The following FRMPD1 variants were observed in gnomAD, a reference collection of about 807,000 sequenced individuals.
FRMPD1 encodes FERM and PDZ domain-containing protein 1.
FRMPD1 carries 76 observed loss-of-function variants against 117.8 expected under a neutral mutation model. The ratio of observed to expected loss-of-function variants is 0.65; its 90% confidence interval spans 0.54 to 0.78. The LOEUF (loss-of-function observed/expected upper bound fraction) is 0.78, where lower values mean the gene tolerates loss of function less well. FRMPD1 is among the 30% of genes least tolerant of loss of function. FRMPD1 has a pLI of 0.00. For missense variants in FRMPD1, 1,786 were observed against 1,964.5 expected (o/e 0.91, Z 1.72); for synonymous variants, 783 against 770.4 (o/e 1.02, Z -0.27).
chr9:37,734,305 A>G (rs772115645), intron 12 of FRMPD1, among the ~76,000 whole-genome samples: 1 of 152,188 alleles, frequency 6.6e-6, no homozygotes, highest in African/African-American at 2.4e-5. Context: ...TATGAAGGTG[A>G]AGAGGAAAAT....
chr9:37,657,723 CTTG>C (rs1236407890), intron 1 of FRMPD1, among the ~76,000 whole-genome samples: 3 of 152,122 alleles, frequency 2.0e-5, no homozygotes, highest in Admixed American at 6.5e-5. Context: ...GAGAGTGTGC[CTTG>C]TTTATGTGCT....
chr9:37,637,195 G>A, the FRMPD1 span: 3 of 1,609,886 alleles, frequency 1.9e-6, no homozygotes, highest in Middle Eastern at 1.7e-4. Flanking sequence ...AGCTCTCTGT[G>A]TAAGGGTCAT....
intron 1 of FRMPD1, chr9:37,668,438 G>A (rs762026788): frequency 6.6e-6 from 1 of 152,268 alleles, no homozygotes; most frequent in Non-Finnish European, 1.5e-5. Flanking sequence ...TCACATTCTT[G>A]TGGCCGCAAT....
the FRMPD1 span, among the ~76,000 whole-genome samples, chr9:37,608,519 G>T: frequency 6.6e-6 from 1 of 150,440 alleles, no homozygotes; most frequent in Non-Finnish European, 1.5e-5. Flanking sequence ...TTCCTGAGAT[G>T]GGGGGAGGGT....
chr9:37,676,840 C>T lies in FRMPD1; in HGVS notation c.-4-15798C>T, dbSNP rs1054704632. Among the ~76,000 whole-genome samples, 14 of 152,198 alleles carry T rather than the reference C, an allele frequency of 9.2e-5. No homozygotes were observed. In the South Asian group the frequency reaches 1.0e-3, roughly 11 times the overall value. ...ACTCCCTATAGCATTTTAGACAGCC[C>T]GTTCTTATGGGCCCCACTCTCTGCC... On this transcript the variant is annotated intron_variant, in intron 1 of 15. Transcript: ENST00000377765.
chr9:37,634,903 A>G, the FRMPD1 span, among the ~76,000 whole-genome samples: 12 of 149,180 alleles, frequency 8.0e-5, no homozygotes, highest in African/African-American at 3.0e-4. Flanking sequence ...CCAACAGGCC[A>G]TGGTGTGTGT....
At chr9:37,674,437 A>AGT (rs1821455448) in intron 1 of FRMPD1, among the ~76,000 whole-genome samples, 1 of 151,950 alleles carries the variant, frequency 6.6e-6, no homozygotes, top group African/African-American at 2.4e-5. Flanking sequence ...ACTTTCCCAC[A>AGT]TTTTCCTGCC....
rs146051206 is a variant in FRMPD1, at chr9:37,666,573, C to G, written c.-5+15479C>G. Among the ~76,000 whole-genome samples, 365 of 152,256 alleles carry G rather than the reference C, an allele frequency of 2.4e-3. 1 individual carries two copies. The highest frequency in any genetic ancestry group is 8.5e-3 in the African/African-American group (352 of 41,530). On this transcript the variant is annotated intron_variant, in intron 1 of 15. Coordinates refer to ENST00000377765, the MANE Select transcript of FRMPD1 (RefSeq NM_014907.3). ...CTACCCCTGCAGGTCTTATCCTGTC[C>G]TTCACGCTCTGCTCACCTCCTGCAC... is the stretch of plus-strand genomic sequence containing the variant.
chr9:37,690,883 C>A (rs1822109166), intron 1 of FRMPD1, among the ~76,000 whole-genome samples: 1 of 152,168 alleles, frequency 6.6e-6, no homozygotes, highest in African/African-American at 2.4e-5. Flanking sequence ...AAAGAGCACA[C>A]AAGAGAGTGT....
chr9:37,653,936 G>A (rs910107254), intron 1 of FRMPD1, among the ~76,000 whole-genome samples: 59 of 152,166 alleles, frequency 3.9e-4, no homozygotes, highest in Middle Eastern at 6.8e-3. Context: ...ACTCCAGCCC[G>A]GTCAAAAGAG....
chr9:37,696,751 A>G (rs1432862951), intron 2 of FRMPD1, among the ~76,000 whole-genome samples: 1 of 152,234 alleles, frequency 6.6e-6, no homozygotes, highest in African/African-American at 2.4e-5. Flanking sequence ...AAACACAGAT[A>G]TGCATCTGTA....
chr9:37,729,382 CAAAAAAAAAAAAAA>C (rs60967717), intron 7 of FRMPD1, among the ~76,000 whole-genome samples: 4 of 54,724 alleles, frequency 7.3e-5, no homozygotes, highest in Middle Eastern at 0.016. Context: ...GAGACCCTCT[CAAAAAAAAAAAAAA>C]AAAAAAAAAA....
intron 8 of FRMPD1, among the ~76,000 whole-genome samples, chr9:37,730,098 G>C (rs1181718584): frequency 6.6e-6 from 1 of 152,186 alleles, no homozygotes; most frequent in Non-Finnish European, 1.5e-5. Flanking sequence ...TGGAGACAAA[G>C]GCTTAGAGAG....
Position 37,746,421 on chromosome 9 carries a change from C to T in FRMPD1, c.4389C>T (p.Cys1463=). The stretch of plus-strand genomic sequence containing the variant: ...TTACCGAAAGCCGGAGCCGCCTCTG[C>T]ATGGGCTCCCAGAAGCTCCTGTCGA... ...WHFTESRSRL[C]MGSQKLLSSC... is the part of the protein sequence containing the mutation. Residue 1463 remains cysteine, a synonymous_variant, in exon 16 of 16, where the codon TGC becomes TGT. Coordinates refer to ENST00000377765, the MANE Select transcript of FRMPD1 (RefSeq NM_014907.3). 6.2e-7 allele frequency: 1 copy of T among 1,613,578 alleles called. No homozygotes were observed. Among genetic ancestry groups the T allele is most frequent in the South Asian group, 1.1e-5 (1 of 91,080 alleles).
intron 6 of FRMPD1, among the ~76,000 whole-genome samples, chr9:37,723,809 A>C (rs996003436): frequency 1.3e-5 from 2 of 151,992 alleles, no homozygotes; most frequent in Non-Finnish European, 2.9e-5. Context: ...CCTGGCCAAC[A>C]TGGTGAAACC....
chr9:37,708,133 T>A (rs988396973), intron 3 of FRMPD1, among the ~76,000 whole-genome samples: 1 of 152,244 alleles, frequency 6.6e-6, no homozygotes, highest in African/African-American at 2.4e-5. Context: ...TGGCCAACTC[T>A]ATTGATTTAG....
At chr9:37,743,520 CTTTTTTTTTTTTTTT>C (rs531949141) in intron 15 of FRMPD1, among the ~76,000 whole-genome samples, 7,450 of 40,426 alleles carry the variant, frequency 0.18, 301 homozygotes, top group Admixed American at 0.23. Context: ...AATGGCTCTG[CTTTTTTTTTTTTTTT>C]TTTTTTTTTT....
At position 37,710,430 on chromosome 9, in the gene FRMPD1, G is replaced by A. The variant is rs573378544; in HGVS notation, c.363-920G>A. Among the ~76,000 whole-genome samples the A allele has an allele frequency of 9.8e-5, 15 of 152,304 alleles. 1 individual carries two copies. The East Asian group carries it at 2.7e-3, about 27-fold the overall frequency. On this transcript the variant is annotated intron_variant, in intron 4 of 15. Transcript: ENST00000377765. ...GCTAATATAAAGTAGAGGTCAAGCA[G>A]TTATCTGCTTGATTTGATCACTTTT...
chr9:37,638,031 TTTC>T, the FRMPD1 span, among the ~76,000 whole-genome samples: 6 of 124,458 alleles, frequency 4.8e-5, no homozygotes, highest in East Asian at 4.3e-4. Context: ...TTTCTCTCTC[TTTC>T]TTCCTTTCTT....
Sources: gnomAD v4.1 joint callset for allele counts (sites outside exome capture counted in the v4.1 genomes callset) on GRCh38, gnomAD v4.1.1 for gene constraint, MANE v1.5 for transcripts, NCBI Gene and HGNC (gene_info 2026-07-23, HGNC 2026-07-21) for gene names.